PDE3B: variants seen among roughly 807,000 people sequenced by gnomAD.
PDE3B encodes the protein phosphodiesterase 3B.
In PDE3B, 66 loss-of-function variants were observed where a neutral mutation model predicts 116.8. The ratio of observed to expected loss-of-function variants is 0.56; its 90% CI spans 0.46 to 0.69. The LOEUF is 0.69. PDE3B is among the 30% of genes least tolerant of loss of function. The pLI is 0.00. For missense variants in PDE3B, 1,384 were observed against 1,368.1 expected (o/e 1.01, Z -0.18); for synonymous variants, 595 against 533.6 (o/e 1.12, Z -1.59).
At position 14,831,651 on chromosome 11, in the gene PDE3B, A is replaced by G; in HGVS notation, c.1968A>G (p.Glu656=). ...QSEQQTNIEQ[E]VSLDLILVEE... is the part of the protein sequence containing the mutation. ...CCCTGTATGTACAGATTGAACAGGAAGTATCACTGGACCTGATTTTAGTAG... is the reference window on the plus strand; with the variant it reads ...CCCTGTATGTACAGATTGAACAGGAGGTATCACTGGACCTGATTTTAGTAG... Residue 656 remains glutamate, a synonymous_variant, in exon 9 of 16, where the codon GAA becomes GAG. Transcript: ENST00000282096. 3 of 1,579,280 alleles carry G rather than the reference A, an allele frequency of 1.9e-6. No individual in the cohort carries two copies. The highest frequency in any genetic ancestry group is 2.6e-6 in the Non-Finnish European group (3 of 1,159,586).
chr11:14,786,180 A>C (rs1858188824), intron 2 of PDE3B, among the ~76,000 whole-genome samples: 1 of 152,108 alleles, frequency 6.6e-6, no homozygotes, highest in East Asian at 1.9e-4. Context: ...GGAAATAATG[A>C]ATTAATGAAA....
intron 12 of PDE3B, among the ~76,000 whole-genome samples, chr11:14,856,602 C>T (rs1487403728): frequency 3.3e-5 from 5 of 151,964 alleles, no homozygotes; most frequent in Non-Finnish European, 2.9e-5. Context: ...CGCCTGTAAT[C>T]CCAGCACTTT....
At chr11:14,788,842 G>A (rs544191934) in intron 3 of PDE3B, 212 of 245,784 alleles carry the variant, frequency 8.6e-4, no homozygotes, top group African/African-American at 4.3e-3. Flanking sequence ...TATGAAACAA[G>A]TAGTAAAATG....
At chr11:14,772,075 G>A in intron 2 of PDE3B, 88 bp downstream of exon 2, 1 of 634,376 alleles carries the variant, frequency 1.6e-6, no homozygotes, top group Non-Finnish European at 2.8e-6. Context: ...GACACTTAAA[G>A]TTACACTCAC....
chr11:14,665,645 T>A lies in PDE3B; in HGVS notation c.978+20592T>A, dbSNP rs1370997140. On this transcript the variant is annotated intron_variant, in intron 1 of 15. Transcript: ENST00000282096. ...AATAACAGACAAACAGAGAGCCAAA[T>A]CATGAGTGAACTCCCATTCACAATT... 2.0e-5 allele frequency among the ~76,000 whole-genome samples: 3 copies of A among 152,152 alleles called. No homozygotes were observed. In the East Asian group the frequency reaches 5.8e-4, roughly 29 times the overall value.
At chr11:14,682,907 T>A (rs931041171) in intron 1 of PDE3B, among the ~76,000 whole-genome samples, 8 of 152,078 alleles carry the variant, frequency 5.3e-5, no homozygotes, top group African/African-American at 1.2e-4. Flanking sequence ...TCTTCTTTTT[T>A]AAATATTTTT....
chr11:14,852,001 T>C (rs1165615692), intron 12 of PDE3B, among the ~76,000 whole-genome samples: 1 of 152,196 alleles, frequency 6.6e-6, no homozygotes, highest in East Asian at 1.9e-4. Flanking sequence ...AGCTCCTGAA[T>C]CAGAAATCAC....
At chr11:14,817,425 T>TAC (rs1329719779) in intron 5 of PDE3B, among the ~76,000 whole-genome samples, 1 of 151,960 alleles carries the variant, frequency 6.6e-6, no homozygotes, top group Non-Finnish European at 1.5e-5. Context: ...CCTTAGAACT[T>TAC]AAAGTATAAT....
chr11:14,752,712 A>G (rs1003605565), intron 1 of PDE3B, among the ~76,000 whole-genome samples: 1 of 151,910 alleles, frequency 6.6e-6, no homozygotes, highest in African/African-American at 2.4e-5. Context: ...CACTCCTTGC[A>G]TTTTCTCCTT....
At chr11:14,650,156 T>G (rs1853530772) in intron 1 of PDE3B, among the ~76,000 whole-genome samples, 1 of 152,098 alleles carries the variant, frequency 6.6e-6, no homozygotes, top group Non-Finnish European at 1.5e-5. Context: ...AGCACGTTCT[T>G]TGGCCACCTC....
intron 1 of PDE3B, chr11:14,674,293 T>C: frequency 3.8e-6 from 4 of 1,052,318 alleles, no homozygotes; most frequent in South Asian, 2.5e-5. Flanking sequence ...CCCTATCGTC[T>C]TCCCCTCTGC....
At chr11:14,660,059 T>A (rs916901717) in intron 1 of PDE3B, among the ~76,000 whole-genome samples, 1 of 152,212 alleles carries the variant, frequency 6.6e-6, no homozygotes, top group Admixed American at 6.5e-5. Flanking sequence ...CCTGAAGGCA[T>A]AATTGTTAGC....
chr11:14,650,756 A>G (rs865969471), intron 1 of PDE3B, among the ~76,000 whole-genome samples: 49 of 152,056 alleles, frequency 3.2e-4, no homozygotes, highest in African/African-American at 1.2e-3. Flanking sequence ...TACTCAACCC[A>G]TCTTTGCTAG....
At chr11:14,727,897 A>G (rs147357479) in intron 1 of PDE3B, among the ~76,000 whole-genome samples, 3 of 152,218 alleles carry the variant, frequency 2.0e-5, no homozygotes, top group African/African-American at 7.2e-5. Flanking sequence ...CAGAGTAGCT[A>G]TAGCAGGTTT....
In PDE3B at chr11:14,662,966, A is replaced by G. The variant is rs1328384721; in HGVS notation, c.978+17913A>G. On this transcript the variant is annotated intron_variant, in intron 1 of 15. Coordinates refer to ENST00000282096, the MANE Select transcript of PDE3B (RefSeq NM_000922.4). Reference sequence around the variant, plus strand: ...TCAGGAAATACAGAGAACGCCACAAAGATACTCCTCGAGAAGAGCAACTCC... The same window carrying G: ...TCAGGAAATACAGAGAACGCCACAAGGATACTCCTCGAGAAGAGCAACTCC... 2.6e-5 allele frequency among the ~76,000 whole-genome samples: 4 copies of G among 152,190 alleles called. No homozygotes were observed. In the East Asian group the frequency reaches 7.7e-4, roughly 29 times the overall value.
At chr11:14,851,004 T>A (rs990348895) in intron 12 of PDE3B, among the ~76,000 whole-genome samples, 17 of 149,692 alleles carry the variant, frequency 1.1e-4, no homozygotes, top group Non-Finnish European at 2.5e-4. Context: ...TTTTTTTTTT[T>A]AGTAGAGACG....
intron 1 of PDE3B, among the ~76,000 whole-genome samples, chr11:14,654,787 TACACACACACACACAC>T (rs59557281): frequency 4.8e-4 from 68 of 142,086 alleles, no homozygotes; most frequent in Admixed American, 1.2e-3. Flanking sequence ...AGCAGCTGTC[TACACACACACACACAC>T]ACACACACAC....
chr11:14,727,892 T>C (rs1409731558), intron 1 of PDE3B, among the ~76,000 whole-genome samples: 1 of 152,082 alleles, frequency 6.6e-6, no homozygotes, highest in Non-Finnish European at 1.5e-5. Context: ...AGTGTCAGAG[T>C]AGCTATAGCA....
chr11:14,676,945 G>A (rs1854547580), intron 1 of PDE3B, among the ~76,000 whole-genome samples: 1 of 151,978 alleles, frequency 6.6e-6, no homozygotes, highest in Non-Finnish European at 1.5e-5. Flanking sequence ...GAAGTTTTAT[G>A]GTGTATGATC....
Sources: allele counts gnomAD v4.1 joint callset (sites outside exome capture counted in the v4.1 genomes callset), GRCh38; gene constraint gnomAD v4.1.1; transcripts MANE v1.5; gene names NCBI Gene and HGNC (gene_info 2026-07-23, HGNC 2026-07-21).